The following NCKAP5 variants were observed in gnomAD, a reference collection of about 807,000 sequenced individuals.
NCKAP5 encodes the protein NCK associated protein 5.
In NCKAP5, 92 loss-of-function variants were observed where a neutral mutation model predicts 167.0. The observed-to-expected ratio is 0.55, with a 90% CI of 0.47 to 0.66. The LOEUF (loss-of-function observed/expected upper bound fraction) is 0.66. Among genes scored for constraint, NCKAP5 ranks in the 30% least tolerant of loss-of-function variants. The pLI is 0.00. For missense variants in NCKAP5, 2,378 were observed against 2,315.0 expected, an observed-to-expected ratio of 1.03 and a Z score of -0.56; for synonymous variants, 891 against 877.4, an observed-to-expected ratio of 1.02 and a Z score of -0.27.
chr2:133,576,515 T>C, the NCKAP5 span, among the ~76,000 whole-genome samples: 11 of 152,346 alleles, frequency 7.2e-5, no homozygotes, highest in African/African-American at 2.6e-4. Flanking sequence ...AAATCCTCAC[T>C]GCAAACATAT....
At chr2:132,709,201 C>A (rs1275108794) in intron 19 of NCKAP5, among the ~76,000 whole-genome samples, 1 of 151,434 alleles carries the variant, frequency 6.6e-6, no homozygotes, top group East Asian at 1.9e-4. Flanking sequence ...TTAAACCCAA[C>A]ACAAAAATTC....
At chr2:133,401,456 A>T (rs976129188) in intron 3 of NCKAP5, among the ~76,000 whole-genome samples, 8 of 152,150 alleles carry the variant, frequency 5.3e-5, no homozygotes, top group African/African-American at 1.4e-4. Flanking sequence ...GGAGGCCCAG[A>T]ACTTGTGGTT....
At chr2:132,828,772 C>G (rs1254647730) in intron 11 of NCKAP5, among the ~76,000 whole-genome samples, 1 of 152,156 alleles carries the variant, frequency 6.6e-6, no homozygotes, top group African/African-American at 2.4e-5. Flanking sequence ...CTCTCTCAAG[C>G]TTCCACAGGT....
intron 2 of NCKAP5, among the ~76,000 whole-genome samples, chr2:133,518,547 G>C (rs1684215126): frequency 6.6e-6 from 1 of 151,128 alleles, no homozygotes; most frequent in African/African-American, 2.4e-5. Flanking sequence ...GTAGAGACAG[G>C]GTTTCACCGT....
intron 6 of NCKAP5, among the ~76,000 whole-genome samples, chr2:133,110,655 C>T (rs188314730): frequency 1.8e-4 from 28 of 152,300 alleles, no homozygotes; most frequent in African/African-American, 6.0e-4. Context: ...AAGTAACATG[C>T]TGGAAATCAC....
chr2:132,751,370 C>T (rs1680097944), intron 16 of NCKAP5, among the ~76,000 whole-genome samples: 1 of 152,098 alleles, frequency 6.6e-6, no homozygotes. Context: ...GACACTGGCA[C>T]CATGCTTGTA....
intron 19 of NCKAP5, among the ~76,000 whole-genome samples, chr2:132,716,258 G>T (rs1280642621): frequency 6.6e-6 from 1 of 152,132 alleles, no homozygotes; most frequent in Non-Finnish European, 1.5e-5. Flanking sequence ...AATGTCAGTT[G>T]TCTTGGAAAC....
chr2:133,100,602 C>T (rs185493691), intron 6 of NCKAP5, among the ~76,000 whole-genome samples: 1 of 152,126 alleles, frequency 6.6e-6, no homozygotes, highest in African/African-American at 2.4e-5. Context: ...TGGGTTGTAG[C>T]AACAGCGTAA....
chr2:132,945,580 C>T (rs1378327319), intron 8 of NCKAP5, among the ~76,000 whole-genome samples: 1 of 152,066 alleles, frequency 6.6e-6, no homozygotes, highest in East Asian at 1.9e-4. Flanking sequence ...CACCCAGTGT[C>T]AACATCCTTA....
intron 8 of NCKAP5, among the ~76,000 whole-genome samples, chr2:132,951,605 G>C (rs1042316203): frequency 6.6e-6 from 1 of 152,134 alleles, no homozygotes; most frequent in Non-Finnish European, 1.5e-5. Flanking sequence ...ACCCTCAAAA[G>C]GTTGCTATCA....
chr2:133,120,000 G>C (rs1188350805), intron 6 of NCKAP5, among the ~76,000 whole-genome samples: 2 of 152,046 alleles, frequency 1.3e-5, no homozygotes, highest in Admixed American at 6.5e-5. Flanking sequence ...TAACCATGGG[G>C]ATATCAATAT....
At chr2:132,686,644 CT>C (rs1476256976) in intron 19 of NCKAP5, among the ~76,000 whole-genome samples, 2 of 152,158 alleles carry the variant, frequency 1.3e-5, no homozygotes, top group African/African-American at 2.4e-5. Flanking sequence ...CTTTTCCCCC[CT>C]ATCACTTTAA....
chr2:133,337,482 C>T (rs1432141874), intron 3 of NCKAP5, among the ~76,000 whole-genome samples: 2 of 152,132 alleles, frequency 1.3e-5, no homozygotes, highest in African/African-American at 2.4e-5. Context: ...TCATACATTA[C>T]CCCCAGTACT....
rs183315842 is a variant in NCKAP5 at position 133,139,271 on chromosome 2, T to A, written c.208-9160A>T. On this transcript the variant is annotated intron_variant, in intron 5 of 19. Coordinates refer to ENST00000409261, the MANE Select transcript of NCKAP5 (RefSeq NM_207363.3). ...AGCAATGAAATTAGCCACAACCATA[T>A]CAGGAAAAGCATAAGCAATTACAAA... Among the ~76,000 whole-genome samples, 90 of 152,262 alleles carry A rather than the reference T, an allele frequency of 5.9e-4. 1 individual carries two copies. The highest frequency in any genetic ancestry group is 2.1e-3 in the African/African-American group (87 of 41,548).
intron 3 of NCKAP5, among the ~76,000 whole-genome samples, chr2:133,402,615 T>G (rs1042956542): frequency 1.3e-5 from 2 of 152,152 alleles, no homozygotes; most frequent in African/African-American, 4.8e-5. Context: ...GTCCTCACGA[T>G]AATGAGTGAG....
intron 6 of NCKAP5, among the ~76,000 whole-genome samples, chr2:133,075,412 G>A (rs2080564522): frequency 6.6e-6 from 1 of 152,222 alleles, no homozygotes; most frequent in Admixed American, 6.5e-5. Flanking sequence ...CTTCAGAAAT[G>A]AGGGAAGAGC....
intron 5 of NCKAP5, among the ~76,000 whole-genome samples, chr2:133,130,935 G>T (rs1235326326): frequency 6.6e-6 from 1 of 152,114 alleles, no homozygotes; most frequent in Non-Finnish European, 1.5e-5. Context: ...TTGTACACAG[G>T]ATATACACTC....
chr2:132,987,622 A>C (rs1345903388), intron 7 of NCKAP5, among the ~76,000 whole-genome samples: 2 of 152,204 alleles, frequency 1.3e-5, no homozygotes, highest in African/African-American at 4.8e-5. Flanking sequence ...CTTTGGAAAG[A>C]ATAGAGCTGG....
intron 8 of NCKAP5, among the ~76,000 whole-genome samples, chr2:132,880,253 C>A (rs1691642291): frequency 6.6e-6 from 1 of 152,070 alleles, no homozygotes; most frequent in African/African-American, 2.4e-5. Flanking sequence ...TTTTTGACAG[C>A]AGAGTAGGGT....
Sources: gnomAD v4.1 joint callset for allele counts (sites outside exome capture counted in the v4.1 genomes callset) on GRCh38, gnomAD v4.1.1 for gene constraint, MANE v1.5 for transcripts, NCBI Gene and HGNC (gene_info 2026-07-23, HGNC 2026-07-21) for gene names.